Variants in SLC35F5 observed in about 807,000 individuals in gnomAD.
SLC35F5 encodes solute carrier family 35 member F5, also known as HCV NS5A-transactivated protein 3.
Under a neutral mutation model 68.6 loss-of-function variants are expected in SLC35F5, and 54 were observed. The ratio of observed to expected loss-of-function variants is 0.79; its 90% CI spans 0.63 to 0.99. The LOEUF (loss-of-function observed/expected upper bound fraction) is 0.99. Ranked by LOEUF, SLC35F5 falls within the 50% of genes least tolerant of loss-of-function variation. The pLI, the probability that SLC35F5 is intolerant of heterozygous loss-of-function variation, is 0.00. For missense variants in SLC35F5, 567 were observed against 626.9 expected (o/e 0.90, Z 1.02); for synonymous variants, 211 against 205.2 (o/e 1.03, Z -0.24).
chr2:113,718,913 GAAA>G lies in SLC35F5; in HGVS notation c.1496+238_1496+240del, dbSNP rs1559318112. Among the ~76,000 whole-genome samples, 417 of 88,106 alleles carry G rather than the reference GAAA, an allele frequency of 4.7e-3. 7 individuals carry two copies. The highest frequency in any genetic ancestry group is 0.01 in the African/African-American group (286 of 27,798). 57.8% of individuals were successfully genotyped at this position (88,106 alleles called of 152,430 possible). On this transcript the variant is annotated intron_variant, in intron 14 of 15. Coordinates refer to ENST00000245680, the MANE Select transcript of SLC35F5 (RefSeq NM_025181.5). Reference sequence around the variant, plus strand: ...AGAAAGAAAGAAAGAAAGAAAGAAAGAAAGAAAGAAAGAAAAAGAAAGGAAGAA... The same window carrying G: ...AGAAAGAAAGAAAGAAAGAAAGAAAGGAAAGAAAGAAAAAGAAAGGAAGAA...
At chr2:113,732,397 C>A (rs972097593) in intron 9 of SLC35F5, among the ~76,000 whole-genome samples, 1 of 151,182 alleles carries the variant, frequency 6.6e-6, no homozygotes, top group Non-Finnish European at 1.5e-5. Flanking sequence ...AATTGTAACA[C>A]GTTTTCAAGT....
intron 3 of SLC35F5, among the ~76,000 whole-genome samples, chr2:113,752,120 G>A (rs565937814): frequency 5.3e-5 from 8 of 151,610 alleles, no homozygotes; most frequent in East Asian, 1.9e-4. Context: ...GCTGAGGCAG[G>A]AGAATTGCTT....
Position 113,755,185 on chromosome 2 carries a change from C to T in SLC35F5, c.253G>A (p.Ala85Thr), listed in dbSNP as rs186083549. The T allele has an allele frequency of 1.2e-6, 2 of 1,613,944 alleles. No homozygotes were observed. Among genetic ancestry groups the T allele is most frequent in the African/African-American group, 2.7e-5 (2 of 75,016 alleles). Residue 85 changes from alanine (A) to threonine (T), a missense_variant, in exon 3 of 16, where the codon GCT (alanine) becomes ACT (threonine). Coordinates refer to ENST00000245680, the MANE Select transcript of SLC35F5 (RefSeq NM_025181.5). ...ILLLVDVIWVASSELTSYVFT... is the reference protein window; with the variant it reads ...ILLLVDVIWVTSSELTSYVFT... Reference sequence around the variant, plus strand: ...CATACCGAAGTAAGTTCAGAGGAAGCAACCCATATCACATCAACAAGCAGA... The same window carrying T: ...CATACCGAAGTAAGTTCAGAGGAAGTAACCCATATCACATCAACAAGCAGA...
At chr2:113,730,914 T>A (rs1434145374) in intron 10 of SLC35F5, among the ~76,000 whole-genome samples, 4 of 152,222 alleles carry the variant, frequency 2.6e-5, no homozygotes, top group African/African-American at 9.6e-5. Context: ...AGATGCTTAT[T>A]ACTTACAGTG....
At chr2:113,723,357 T>A (rs1322332699) in intron 12 of SLC35F5, among the ~76,000 whole-genome samples, 163 bp from the exon 13 acceptor site, 1 of 74,722 alleles carries the variant, frequency 1.3e-5, no homozygotes, top group East Asian at 2.3e-4. Flanking sequence ...ATTAAGATGA[T>A]TCTCAGTTTT....
At chr2:113,728,995 G>C (rs763188492) in intron 11 of SLC35F5, among the ~76,000 whole-genome samples, 28 of 152,304 alleles carry the variant, frequency 1.8e-4, no homozygotes, top group Non-Finnish European at 3.1e-4. Flanking sequence ...GACTGCGACA[G>C]CATTAAACAT....
intron 3 of SLC35F5, among the ~76,000 whole-genome samples, chr2:113,753,182 T>C (rs1167802228): frequency 7.5e-6 from 1 of 133,580 alleles, no homozygotes; most frequent in Non-Finnish European, 1.6e-5. Flanking sequence ...TTTTTTTTTT[T>C]TTTTTTTTTT....
rs1189501656 is a variant in SLC35F5, at chr2:113,756,380, T to G, written c.30A>C (p.Ala10=). The G allele has an allele frequency of 3.8e-6, 6 of 1,569,652 alleles. No individual in the cohort carries two copies. The South Asian group carries it at 5.8e-5, about 15-fold the overall frequency. The stretch of plus-strand genomic sequence containing the variant: ...TCCCTGCCTGCCTACCTGGCCTTCC[T>G]GCCCCGCGATGGCGTCGTGGCGGCA... MVPPRRHRG[A]GRPGVLSSSP... Residue 10 remains alanine (A), a synonymous_variant, in exon 1 of 16, where the codon GCA becomes GCC. Coordinates refer to ENST00000245680, the MANE Select transcript of SLC35F5 (RefSeq NM_025181.5).
At chr2:113,728,291 T>C (rs1345719462) in intron 11 of SLC35F5, among the ~76,000 whole-genome samples, 1 of 152,128 alleles carries the variant, frequency 6.6e-6, no homozygotes, top group Non-Finnish European at 1.5e-5. Flanking sequence ...TAAAATAGTT[T>C]TAAAATAGTC....
In SLC35F5 at chr2:113,756,185, A is replaced by G. The variant is rs927484463; in HGVS notation, c.40+185T>C. On this transcript the variant is annotated intron_variant, in intron 1 of 15. Coordinates refer to ENST00000245680, the MANE Select transcript of SLC35F5 (RefSeq NM_025181.5). ...CGAGGGCGCACGCACGGCTTCCTCAATTGCCAGCGGTGGGCGCAGGGCTCC... is the reference window on the plus strand; with the variant it reads ...CGAGGGCGCACGCACGGCTTCCTCAGTTGCCAGCGGTGGGCGCAGGGCTCC... The G allele has an allele frequency of 2.7e-6, 4 of 1,470,970 alleles. No individual in the cohort carries two copies. In the African/African-American group the frequency reaches 4.2e-5, roughly 16 times the overall value. The allele number at this position is 1,470,970 out of a possible 1,614,324, so 91.1% of individuals were successfully genotyped here. A position where few individuals can be genotyped will look rare whatever the true frequency, so the allele number is the denominator to read the frequency against.
Position 113,725,509 on chromosome 2 carries a change from G to C in SLC35F5, c.1119C>G (p.Leu373=), listed in dbSNP as rs1226664298. 1 of 1,592,916 alleles carries C rather than the reference G, an allele frequency of 6.3e-7. No homozygotes were observed. The highest frequency in any genetic ancestry group is 8.5e-7 in the Non-Finnish European group (1 of 1,174,986). The change falls in exon 12 of 16, where the codon CTC becomes CTG. Residue 373 remains leucine, a synonymous_variant. Transcript: ENST00000245680. ...GAAGTAAAAAGAAACCTGGCCATAA[G>C]AGCAGCAGATTAAACAAACCTACAA... The part of the protein sequence containing the change: ...FGFVGLFNLL[L]LWPGFFLLHY...
chr2:113,742,606 C>T, intron 7 of SLC35F5, 86 bp downstream of exon 7: 1 of 1,333,024 alleles, frequency 7.5e-7, no homozygotes. Context: ...AATTGTCTCA[C>T]ACTTCAATCC....
At chr2:113,741,904 A>G (rs1676291707) in intron 7 of SLC35F5, 1 of 152,176 alleles carries the variant, frequency 6.6e-6, no homozygotes, top group African/African-American at 2.4e-5. Context: ...AAAATTTTAT[A>G]ATCAGGCTAA....
chr2:113,728,280 TTAAAA>T, intron 11 of SLC35F5, among the ~76,000 whole-genome samples: 1 of 152,282 alleles, frequency 6.6e-6, no homozygotes, highest in Non-Finnish European at 1.5e-5. Context: ...ATTTTTAGTT[TTAAAA>T]TAGTTTTAAA....
At chr2:113,737,220 T>G (rs1688127564) in intron 7 of SLC35F5, among the ~76,000 whole-genome samples, 2 of 152,212 alleles carry the variant, frequency 1.3e-5, no homozygotes, top group Non-Finnish European at 2.9e-5. Context: ...GTATTTACAT[T>G]GCAAAGAAGT....
At position 113,755,494 on chromosome 2, in the gene SLC35F5, C is replaced by T. The variant is rs375731808; in HGVS notation, c.91G>A (p.Gly31Ser). ...PFRLRSAKFS[G>S]IALEDLRRAL... is the part of the protein sequence containing the mutation. ...CTTCTGAGATCCTCAAGAGCAATGCCGGAAAACTTGGCAGATCTCAGTCTA... is the reference window on the plus strand; with the variant it reads ...CTTCTGAGATCCTCAAGAGCAATGCTGGAAAACTTGGCAGATCTCAGTCTA... Residue 31 changes from glycine (G) to serine (S), a missense_variant, in exon 2 of 16, where the codon GGC becomes AGC. By Grantham distance (56) the Gly-to-Ser change is moderately conservative. Transcript: ENST00000245680. 3.3e-4 allele frequency: 529 copies of T among 1,614,004 alleles called. No individual in the cohort carries two copies. The highest frequency in any genetic ancestry group is 1.2e-3 in the Middle Eastern group (7 of 6,062).
At position 113,750,413 on chromosome 2, in the gene SLC35F5, T is replaced by A. The variant is rs1481043543; in HGVS notation, c.417+12A>T. On this transcript the variant is annotated intron_variant, in intron 4 of 15. Coordinates refer to ENST00000245680, the MANE Select transcript of SLC35F5 (RefSeq NM_025181.5). ...CCCCCTTCCTAACAGACAGTTAAAA[T>A]TAAAAACTTACAAAAGCAGCATGCT... The A allele has an allele frequency of 6.3e-7, 1 of 1,584,110 alleles. No homozygotes were observed.
chr2:113,726,447 G>A (rs575901213), intron 11 of SLC35F5, among the ~76,000 whole-genome samples: 9 of 152,214 alleles, frequency 5.9e-5, no homozygotes, highest in South Asian at 4.1e-4. Flanking sequence ...TACAGTTTAT[G>A]TCACAAATTT....
intron 5 of SLC35F5, among the ~76,000 whole-genome samples, chr2:113,745,889 C>G (rs994268532): frequency 6.6e-6 from 1 of 152,126 alleles, no homozygotes; most frequent in Non-Finnish European, 1.5e-5. Context: ...GTGTTTAACA[C>G]AGATTTGTCA....
Sources: gnomAD v4.1 joint callset for allele counts (sites outside exome capture counted in the v4.1 genomes callset) on GRCh38, gnomAD v4.1.1 for gene constraint, MANE v1.5 for transcripts, NCBI Gene and HGNC (gene_info 2026-07-23, HGNC 2026-07-21) for gene names.